Variants in CCDC186 observed in about 807,000 individuals in gnomAD.
CCDC186 encodes coiled-coil domain containing 186, also known as coiled-coil domain-containing protein 186.
A neutral mutation model predicts 113.7 loss-of-function variants in CCDC186; 49 were observed. The ratio of observed to expected loss-of-function variants is 0.43; its 90% confidence interval spans 0.34 to 0.55. CCDC186 has a LOEUF of 0.55. CCDC186 is among the 20% of genes least tolerant of loss of function. The pLI is 0.02. For synonymous variants in CCDC186, 355 were observed against 345.8 expected (o/e 1.03, Z -0.30); for missense variants, 890 against 1,011.1 (o/e 0.88, Z 1.62).
Position 114,144,543 on chromosome 10 carries a change from A to C in CCDC186, c.1175T>G (p.Val392Gly). ...KEDINSHVIK[V>G]KWAQNKLKAE... ...TTTTAATTTGTTTTGTGCCCACTTTACTTTGATGACGTGAGAGTTAATGTC... is the reference window on the plus strand; with the variant it reads ...TTTTAATTTGTTTTGTGCCCACTTTCCTTTGATGACGTGAGAGTTAATGTC... Residue 392 changes from valine to glycine, a missense_variant, in exon 6 of 16, where the codon GTA (valine) becomes GGA (glycine). Transcript: ENST00000369287. 3 of 1,613,274 alleles carry C rather than the reference A, an allele frequency of 1.9e-6. No homozygotes were observed. The South Asian group carries it at 3.3e-5, about 18-fold the overall frequency.
chr10:114,129,082 C>A (rs1268511805), intron 13 of CCDC186, among the ~76,000 whole-genome samples: 1 of 152,156 alleles, frequency 6.6e-6, no homozygotes, highest in African/African-American at 2.4e-5. Context: ...GTGGGAGGAT[C>A]ACTTGAAGCC....
In CCDC186 at chr10:114,125,231, A is replaced by G. The variant is rs367807916; in HGVS notation, c.2614-5T>C. On this transcript the variant is annotated splice_polypyrimidine_tract_variant and splice_region_variant and intron_variant, in intron 15 of 15. Transcript: ENST00000369287. ...TCCAAGTGTTTGTAGATTTTCCTTT[A>G]ATAATTGGGGTGAGGGGAAAGGGAA... 7.5e-6 allele frequency: 12 copies of G among 1,594,658 alleles called. No homozygotes were observed. The African/African-American group carries it at 1.5e-4, about 20-fold the overall frequency.
intron 3 of CCDC186, among the ~76,000 whole-genome samples, chr10:114,153,729 T>C (rs1589624726): frequency 7.3e-6 from 1 of 137,020 alleles, no homozygotes; most frequent in Non-Finnish European, 1.5e-5. Flanking sequence ...GAAGTTGCAG[T>C]AAGCCAAGAT....
rs1352718877 is a variant in CCDC186 at position 114,136,241 on chromosome 10, T to C, written c.1332A>G (p.Ser444=). 2 of 1,608,704 alleles carry C rather than the reference T, an allele frequency of 1.2e-6. No individual in the cohort carries two copies. The highest frequency in any genetic ancestry group is 4.5e-5 in the East Asian group (2 of 44,770). The change falls in exon 8 of 16, where the codon TCA becomes TCG. Residue 444 remains serine, a synonymous_variant. Coordinates refer to ENST00000369287, the MANE Select transcript of CCDC186 (RefSeq NM_018017.4). ...CAAGCTCATTTGATTTAATTTCTTC[T>C]GACTCCTAGTGGAAAGAAAACAAAA... ...CQDMIKTYQE[S]EEIKSNELDA... is the part of the protein sequence containing the mutation.
At chr10:114,125,776 T>C in intron 15 of CCDC186, 110 bp downstream of exon 15, 2 of 785,310 alleles carry the variant, frequency 2.5e-6, no homozygotes, top group East Asian at 2.6e-5. Flanking sequence ...TTGGGTAAAA[T>C]GACTGCCTTG....
chr10:114,170,670 TAA>T (rs944655550), intron 1 of CCDC186, among the ~76,000 whole-genome samples: 1 of 152,124 alleles, frequency 6.6e-6, no homozygotes, highest in Non-Finnish European at 1.5e-5. Flanking sequence ...AGCATTAGAA[TAA>T]AAAAGTTTCC....
intron 8 of CCDC186, 35 bp from the exon 9 acceptor site, chr10:114,136,012 A>G: frequency 6.4e-7 from 1 of 1,570,470 alleles, no homozygotes. Context: ...ACAAATCATA[A>G]TGTGCTAAAC....
At chr10:114,154,534 G>A (rs76235992) in intron 3 of CCDC186, among the ~76,000 whole-genome samples, 9,443 of 152,136 alleles carry the variant, frequency 0.062, 321 homozygotes, top group Non-Finnish European at 0.078. Context: ...AGTAGAGACT[G>A]AATTAGCATA....
intron 2 of CCDC186, 126 bp downstream of exon 2, chr10:114,162,508 AACT>A: frequency 1.5e-6 from 1 of 659,274 alleles, no homozygotes; most frequent in Non-Finnish European, 2.4e-6. Flanking sequence ...TTTATTGTTC[AACT>A]ACTATGTGCA....
chr10:114,170,738 TG>T (rs2032469681), intron 1 of CCDC186, among the ~76,000 whole-genome samples: 1 of 152,116 alleles, frequency 6.6e-6, no homozygotes, highest in Non-Finnish European at 1.5e-5. Context: ...TTTATCCCTG[TG>T]GGGGTATGTT....
intron 11 of CCDC186, among the ~76,000 whole-genome samples, chr10:114,131,666 A>G (rs1161947712): frequency 6.6e-6 from 1 of 152,224 alleles, no homozygotes; most frequent in Non-Finnish European, 1.5e-5. Context: ...TTTTAAAAAT[A>G]TACAGTGATT....
chr10:114,151,118 T>G lies in CCDC186; in HGVS notation c.862A>C (p.Lys288Gln). Residue 288 changes from lysine (K) to glutamine (Q), a missense_variant, in exon 4 of 16, where the codon AAA (lysine) becomes CAA (glutamine). Lys to Gln is a moderately conservative substitution (Grantham distance 53). Coordinates refer to ENST00000369287, the MANE Select transcript of CCDC186 (RefSeq NM_018017.4). ...TGTTCCATCCGTTGGGCCATCTCTT[T>G]GTGTAACTGCTGAACTGCATTTTTA... ...TAKNAVQQLH[K>Q]EMAQRMEQAN... The G allele has an allele frequency of 6.2e-7, 1 of 1,613,836 alleles. No individual in the cohort carries two copies. The highest frequency in any genetic ancestry group is 1.3e-5 in the African/African-American group (1 of 75,054).
chr10:114,126,929 G>A (rs1341619897), intron 14 of CCDC186, among the ~76,000 whole-genome samples: 1 of 152,098 alleles, frequency 6.6e-6, no homozygotes, highest in Non-Finnish European at 1.5e-5. Context: ...CTCTAGGTCT[G>A]TCACACAGGG....
intron 1 of CCDC186, among the ~76,000 whole-genome samples, chr10:114,167,099 C>G (rs889716169): frequency 1.1e-4 from 17 of 149,888 alleles, no homozygotes; most frequent in African/African-American, 4.2e-4. Context: ...CGGCTCACTG[C>G]AACCTCTGAC....
At chr10:114,164,114 ATTTTT>A (rs35615169) in intron 1 of CCDC186, among the ~76,000 whole-genome samples, 4 of 79,182 alleles carry the variant, frequency 5.1e-5, no homozygotes, top group African/African-American at 9.8e-5. Flanking sequence ...ATATATATAT[ATTTTT>A]TTTTTTTTTT....
At chr10:114,136,843 G>C (rs1316096052) in intron 7 of CCDC186, among the ~76,000 whole-genome samples, 4 of 152,176 alleles carry the variant, frequency 2.6e-5, no homozygotes, top group African/African-American at 9.7e-5. Flanking sequence ...AACTGGCTAG[G>C]CACAGTGGTT....
chr10:114,133,307 C>T (rs1214857814), intron 10 of CCDC186, among the ~76,000 whole-genome samples: 5 of 152,116 alleles, frequency 3.3e-5, no homozygotes, highest in Non-Finnish European at 7.4e-5. Flanking sequence ...CTGAGGATGG[C>T]CCCCAGCCTG....
chr10:114,160,227 G>A (rs939700420), intron 2 of CCDC186, among the ~76,000 whole-genome samples: 1 of 149,556 alleles, frequency 6.7e-6, no homozygotes, highest in South Asian at 2.1e-4. Flanking sequence ...CTGAGGTCGC[G>A]CCACTGCACT....
At chr10:114,129,060 T>C (rs1024817463) in intron 13 of CCDC186, among the ~76,000 whole-genome samples, 1 of 152,192 alleles carries the variant, frequency 6.6e-6, no homozygotes, top group African/African-American at 2.4e-5. Context: ...CCCAGAACTC[T>C]GGGAGGCCAA....
Sources: allele counts gnomAD v4.1 joint callset (sites outside exome capture counted in the v4.1 genomes callset), GRCh38; gene constraint gnomAD v4.1.1; transcripts MANE v1.5; gene names NCBI Gene and HGNC (gene_info 2026-07-23, HGNC 2026-07-21).